Variants in HARS1 observed in about 807,000 individuals in gnomAD.
HARS1 encodes the protein histidine--tRNA ligase, cytoplasmic.
HARS1 carries 45 observed loss-of-function variants against 63.6 expected under a neutral mutation model. That is an observed-to-expected ratio of 0.71 (90% CI 0.56 to 0.91). HARS1 has a LOEUF of 0.91. HARS1 is among the 40% of genes least tolerant of loss of function. The pLI is 0.00. For missense variants in HARS1, 508 were observed against 643.2 expected (o/e 0.79, Z 2.27); for synonymous variants, 205 against 247.1 (o/e 0.83, Z 1.60).
At chr5:140,682,838 G>A (rs537245507) in intron 3 of HARS1, 2 of 355,622 alleles carry the variant, frequency 5.6e-6, no homozygotes, top group East Asian at 4.6e-5. Context: ...CAGATGCCAC[G>A]CAATACAATG....
intron 2 of HARS1, among the ~76,000 whole-genome samples, chr5:140,689,688 G>A (rs1030797877): frequency 2.0e-5 from 3 of 152,192 alleles, no homozygotes; most frequent in South Asian, 4.1e-4. Context: ...GGGATATGGA[G>A]GGCTGACTAT....
intron 3 of HARS1, chr5:140,682,632 ACTACAGC>A: frequency 6.5e-6 from 1 of 153,268 alleles, no homozygotes; most frequent in Non-Finnish European, 1.5e-5. Context: ...ATCATAGCAC[ACTACAGC>A]CTTGAACTCC....
Position 140,674,114 on chromosome 5 carries a change from T to A in HARS1, c.*143A>T. On this transcript the variant is annotated 3_prime_UTR_variant, in exon 13 of 13. Coordinates refer to ENST00000504156, the MANE Select transcript of HARS1 (RefSeq NM_002109.6). ...GTAATAATCAATAAAATAACCATAA[T>A]AAAAATCAAAGGCTCTGTTCTGACC... is the stretch of plus-strand genomic sequence containing the variant. 1.4e-6 allele frequency: 1 copy of A among 711,308 alleles called. No homozygotes were observed. Among genetic ancestry groups the A allele is most frequent in the Admixed American group, 2.1e-5 (1 of 48,476 alleles). The allele number at this position is 711,308 out of a possible 1,614,324, so 44.1% of individuals were successfully genotyped here.
chr5:140,686,272 C>A (rs1382025462), intron 2 of HARS1, among the ~76,000 whole-genome samples: 1 of 151,832 alleles, frequency 6.6e-6, no homozygotes, highest in Non-Finnish European at 1.5e-5. Context: ...TGGAGTCTCA[C>A]TCTGTCACCC....
rs73273304 is a variant in HARS1 at position 140,691,134 on chromosome 5, T to C, written c.90+81A>G. 4.8e-3 allele frequency: 5,541 copies of C among 1,148,264 alleles called. 201 individuals are homozygous for C. In the African/African-American group the frequency reaches 0.074, roughly 15 times the overall value. The allele number at this position is 1,148,264 out of a possible 1,614,324, so 71.1% of individuals were successfully genotyped here. A position where few individuals can be genotyped will look rare whatever the true frequency, so the allele number is the denominator to read the frequency against. On this transcript the variant is annotated intron_variant, in intron 1 of 12. Coordinates refer to ENST00000504156, the MANE Select transcript of HARS1 (RefSeq NM_002109.6). Reference sequence around the variant, plus strand: ...CAAGACTGGTCGCTTCCCTCACATCTCTACCCTATGTCCCGAACACCCTGG... The same window carrying C: ...CAAGACTGGTCGCTTCCCTCACATCCCTACCCTATGTCCCGAACACCCTGG...
In HARS1 at chr5:140,677,332, T is replaced by C; in HGVS notation, c.818A>G (p.Gln273Arg). The change falls in exon 8 of 13, where the codon CAA (glutamine) becomes CGA (arginine). Residue 273 changes from glutamine to arginine, a missense_variant. Physicochemically the swap from Gln to Arg is conservative, Grantham distance 43 (BLOSUM62 1). This residue lies in a region of HARS1 where 403 missense variants were observed against 548.7 expected (regional missense o/e 0.73). Coordinates refer to ENST00000504156, the MANE Select transcript of HARS1 (RefSeq NM_002109.6). ...GGCTTGGTTCTGTTCCTCACCATGT[T>C]GCTGGACATAGTCCCCAATGCGGTC... ...VADRIGDYVQ[Q>R]HGGVSLVEQL... 1.2e-6 allele frequency: 2 copies of C among 1,609,870 alleles called. No homozygotes were observed. The highest frequency in any genetic ancestry group is 1.7e-6 in the Non-Finnish European group (2 of 1,176,316).
rs1758407063 is a variant in HARS1 at position 140,676,905 on chromosome 5, A to G, written c.952-9T>C. On this transcript the variant is annotated splice_polypyrimidine_tract_variant and intron_variant, in intron 9 of 12. Transcript: ENST00000504156. This position sits in a 1 kb window ranked among gnomAD's most constrained non-coding sequence, Gnocchi z 4.1. ...CTCAGGTCAAAGGAGATCTGTGGAG[A>G]TAAGAAAATGGTCAGTGCCAGATTA... 1.2e-6 allele frequency: 2 copies of G among 1,613,008 alleles called. No homozygotes were observed. Among genetic ancestry groups the G allele is most frequent in the African/African-American group, 1.3e-5 (1 of 75,006 alleles).
At position 140,679,521 on chromosome 5, in the gene HARS1, G is replaced by A; in HGVS notation, c.396+267C>T. On this transcript the variant is annotated intron_variant, in intron 4 of 12. Coordinates refer to ENST00000504156, the MANE Select transcript of HARS1 (RefSeq NM_002109.6). The surrounding 1 kb of genome is among the most constrained non-coding windows in gnomAD (Gnocchi z 4.3). ...AGAAGAATTTTGTTCACTGGACAGG[G>A]CAGGGGAGAGGTATTCTGGAGCCAG... The A allele has an allele frequency of 2.2e-6, 1 of 459,712 alleles. No homozygotes were observed. Among genetic ancestry groups the A allele is most frequent in the Non-Finnish European group, 3.8e-6 (1 of 261,060 alleles). 28.5% of individuals were successfully genotyped at this position (459,712 alleles called of 1,614,324 possible).
intron 2 of HARS1, chr5:140,687,364 A>G (rs1354255143): frequency 6.6e-6 from 1 of 151,978 alleles, no homozygotes; most frequent in African/African-American, 2.4e-5. Context: ...GGTTTCTTGT[A>G]TGTTTTTTGT....
At chr5:140,689,348 C>G (rs933275893) in intron 2 of HARS1, among the ~76,000 whole-genome samples, 39 of 152,192 alleles carry the variant, frequency 2.6e-4, no homozygotes, top group African/African-American at 8.7e-4. Flanking sequence ...CTCCTATATA[C>G]TTTAAATAGT....
At chr5:140,682,172 G>T (rs1758765752) in intron 3 of HARS1, among the ~76,000 whole-genome samples, 1 of 152,108 alleles carries the variant, frequency 6.6e-6, no homozygotes. Flanking sequence ...TGAGGCCAGG[G>T]GTTCGTTCGC....
intron 2 of HARS1, chr5:140,683,589 C>T (rs570628257): frequency 1.1e-5 from 8 of 706,518 alleles, no homozygotes; most frequent in Admixed American, 1.1e-4. Context: ...CCCAGCACTT[C>T]GGGAGGCCAA....
rs1758612801 is a variant in HARS1, at chr5:140,679,833, C to T, written c.351G>A (p.Leu117=). The T allele has an allele frequency of 6.2e-7, 1 of 1,611,028 alleles. No individual in the cohort carries two copies. Among genetic ancestry groups the T allele is most frequent in the Non-Finnish European group, 8.5e-7 (1 of 1,177,266 alleles). The change falls in exon 4 of 13, where the codon CTG becomes CTA. Residue 117 remains leucine (L), a synonymous_variant. Coordinates refer to ENST00000504156, the MANE Select transcript of HARS1 (RefSeq NM_002109.6). This position sits in a 1 kb window ranked among gnomAD's most constrained non-coding sequence, Gnocchi z 4.3. ...YGEDSKLIYD[L]KDQGGELLSL... ...ACAGGAGCTCCCCGCCCTGGTCCTT[C>T]AGGTCATAGATAAGCTTGGAGTCTT...
chr5:140,680,051 T>C (rs1041735046), intron 3 of HARS1, among the ~76,000 whole-genome samples, 168 bp from the exon 4 acceptor site: 3 of 152,258 alleles, frequency 2.0e-5, no homozygotes, highest in African/African-American at 7.2e-5. Flanking sequence ...ACCAATTTTG[T>C]GTTTTTTTCT....
intron 3 of HARS1, among the ~76,000 whole-genome samples, chr5:140,681,818 T>G (rs1200527737): frequency 6.6e-6 from 1 of 152,204 alleles, no homozygotes; most frequent in Non-Finnish European, 1.5e-5. Flanking sequence ...AAAATAAATT[T>G]CTGTTGTTTA....
chr5:140,674,555 C>G, intron 12 of HARS1, 124 bp downstream of exon 12: 3 of 1,124,328 alleles, frequency 2.7e-6, no homozygotes, highest in Non-Finnish European at 4.0e-6. Context: ...AGGTTAAGCC[C>G]TCAAGGCTTT....
Position 140,679,044 on chromosome 5 carries a change from G to A in HARS1, c.480C>T (p.Asn160=). 1 of 1,613,740 alleles carries A rather than the reference G, an allele frequency of 6.2e-7. No homozygotes were observed. Among genetic ancestry groups the A allele is most frequent in the African/African-American group, 1.3e-5 (1 of 75,000 alleles). Residue 160 remains asparagine, a synonymous_variant, in exon 5 of 13, where the codon AAC becomes AAT. Transcript: ENST00000504156. This position sits in a 1 kb window ranked among gnomAD's most constrained non-coding sequence, Gnocchi z 4.3. ...GGTATCGGCCACGGGTCATGGCTGG[G>A]TTATCCCGCCGATATACCTTTGCTA... The part of the protein sequence containing the change: ...YHIAKVYRRD[N]PAMTRGRYRE...
In HARS1 at chr5:140,676,601, C is replaced by T; in HGVS notation, c.1194+53G>A. On this transcript the variant is annotated intron_variant, in intron 10 of 12. Transcript: ENST00000504156. This position sits in a 1 kb window ranked among gnomAD's most constrained non-coding sequence, Gnocchi z 4.1. ...ACTTGCTCCCTTGGAGATCAGATAG[C>T]TTAGGTGCCACCACCTGCTCAGACT... is the stretch of plus-strand genomic sequence containing the variant. 5 of 1,582,550 alleles carry T rather than the reference C, an allele frequency of 3.2e-6. No homozygotes were observed. Among genetic ancestry groups the T allele is most frequent in the East Asian group, 2.3e-5 (1 of 44,426 alleles).
Position 140,677,708 on chromosome 5 carries a change from C to T in HARS1, c.676G>A (p.Val226Ile), listed in dbSNP as rs1359030684. Residue 226 changes from valine (V) to isoleucine (I), a missense_variant, in exon 7 of 13, where the codon GTT becomes ATT. Coordinates refer to ENST00000504156, the MANE Select transcript of HARS1 (RefSeq NM_002109.6). The stretch of plus-strand genomic sequence containing the variant: ...ATGGTACGGAACTTGCTGTCAGAAA[C>T]ACCACAGATAGCAAACATCCCATCT... Reference protein sequence around the residue: ...ILDGMFAICGVSDSKFRTICS... With the variant: ...ILDGMFAICGISDSKFRTICS... 6.2e-7 allele frequency: 1 copy of T among 1,612,162 alleles called. No individual in the cohort carries two copies. The highest frequency in any genetic ancestry group is 1.7e-5 in the Admixed American group (1 of 59,698).
Sources: allele counts gnomAD v4.1 joint callset (sites outside exome capture counted in the v4.1 genomes callset), GRCh38; gene constraint gnomAD v4.1.1; regional missense constraint gnomAD v4.1.1; non-coding constraint Gnocchi (gnomAD v3.1); transcripts MANE v1.5; gene names NCBI Gene and HGNC (gene_info 2026-07-23, HGNC 2026-07-21).